The following MARCHF4 variants were observed in gnomAD, a reference collection of about 807,000 sequenced individuals.
The protein encoded by MARCHF4 is E3 ubiquitin-protein ligase MARCHF4.
Under a neutral mutation model 43.9 loss-of-function variants are expected in MARCHF4, and 14 were observed. The observed-to-expected ratio is 0.32, with a 90% confidence interval of 0.21 to 0.50. The LOEUF (loss-of-function observed/expected upper bound fraction) is 0.50. MARCHF4 is among the 20% of genes least tolerant of loss of function. The probability of loss-of-function intolerance (pLI) is 0.98; values close to 1 mark genes in which losing one functional copy is unlikely to be tolerated. For missense variants in MARCHF4, 468 were observed against 536.7 expected, an observed-to-expected ratio of 0.87 and a Z score of 1.27; for synonymous variants, 226 against 213.3, an observed-to-expected ratio of 1.06 and a Z score of -0.52.
chr2:216,323,311 A>G (rs1289018124), intron 1 of MARCHF4, among the ~76,000 whole-genome samples: 1 of 152,198 alleles, frequency 6.6e-6, no homozygotes, highest in African/African-American at 2.4e-5. Flanking sequence ...AGAGGTTTGT[A>G]TGTAATTTTA....
chr2:216,277,412 T>G (rs1691043076), intron 3 of MARCHF4, among the ~76,000 whole-genome samples: 1 of 152,194 alleles, frequency 6.6e-6, no homozygotes, highest in African/African-American at 2.4e-5. Flanking sequence ...CAAATCCTCC[T>G]AGAGGCAGGC....
chr2:216,266,769 A>T (rs1352482093), intron 3 of MARCHF4, among the ~76,000 whole-genome samples: 1 of 152,208 alleles, frequency 6.6e-6, no homozygotes, highest in Non-Finnish European at 1.5e-5. Context: ...GGTTGAAAGA[A>T]ATGAATATAA....
chr2:216,365,624 T>C (rs1692654402), intron 1 of MARCHF4, among the ~76,000 whole-genome samples: 1 of 152,234 alleles, frequency 6.6e-6, no homozygotes, highest in Non-Finnish European at 1.5e-5. Context: ...TTCTTCTCAC[T>C]TGGTCTTCAG....
At chr2:216,354,923 CTT>C in intron 1 of MARCHF4, among the ~76,000 whole-genome samples, 1 of 121,840 alleles carries the variant, frequency 8.2e-6, no homozygotes, top group East Asian at 2.4e-4. Context: ...TTCTTTCTTT[CTT>C]TCTTTCTTTC....
intron 1 of MARCHF4, among the ~76,000 whole-genome samples, chr2:216,310,516 C>G (rs1299569240): frequency 6.6e-6 from 1 of 152,144 alleles, no homozygotes; most frequent in Non-Finnish European, 1.5e-5. Context: ...CCTGCCTCAG[C>G]CTCTGAAAGT....
Position 216,370,106 on chromosome 2 carries a change from A to G in MARCHF4, c.155T>C (p.Phe52Ser), listed in dbSNP as rs1204532068. ...CGCTTGAGGAGGGCGCCGCAGTAAGAAAACCTTCAGGTCATTGAAGAGCAT... is the reference window on the plus strand; with the variant it reads ...CGCTTGAGGAGGGCGCCGCAGTAAGGAAACCTTCAGGTCATTGAAGAGCAT... Reference protein sequence around the residue: ...CRMLFNDLKVFLLRRPPQAPL... With the variant: ...CRMLFNDLKVSLLRRPPQAPL... Residue 52 changes from phenylalanine to serine, a missense_variant, in exon 1 of 4, where the codon TTC becomes TCC. By Grantham distance (155) the Phe-to-Ser change is radical (BLOSUM62 -2). Around this residue, in one of 3 missense-constraint regions of MARCHF4, gnomAD observed 190 missense variants for 158.5 expected, o/e 1.20. Coordinates refer to ENST00000273067, the MANE Select transcript of MARCHF4 (RefSeq NM_020814.3). The G allele has an allele frequency of 6.3e-7, 1 of 1,597,308 alleles. No individual in the cohort carries two copies. Among genetic ancestry groups the G allele is most frequent in the Non-Finnish European group, 8.5e-7 (1 of 1,172,340 alleles).
intron 1 of MARCHF4, among the ~76,000 whole-genome samples, chr2:216,304,382 C>T (rs993642288): frequency 6.6e-6 from 1 of 151,898 alleles, no homozygotes; most frequent in Non-Finnish European, 1.5e-5. Context: ...ATATGAATAC[C>T]CAGGGATAAA....
intron 1 of MARCHF4, among the ~76,000 whole-genome samples, chr2:216,335,878 G>C (rs1194274149): frequency 6.6e-6 from 1 of 151,992 alleles, no homozygotes; most frequent in African/African-American, 2.4e-5. Context: ...GACCAGCCTG[G>C]CCAACATGTT....
At chr2:216,359,384 TA>T (rs1692545059) in intron 1 of MARCHF4, among the ~76,000 whole-genome samples, 1 of 152,230 alleles carries the variant, frequency 6.6e-6, no homozygotes, top group Non-Finnish European at 1.5e-5. Context: ...TGTTTCCCCC[TA>T]TTAGCCACTT....
intron 1 of MARCHF4, among the ~76,000 whole-genome samples, chr2:216,303,133 T>G (rs185279230): frequency 6.6e-6 from 1 of 152,154 alleles, no homozygotes; most frequent in African/African-American, 2.4e-5. Flanking sequence ...ATGTGAACAA[T>G]GCACAGTGTT....
intron 1 of MARCHF4, among the ~76,000 whole-genome samples, chr2:216,318,711 G>GAAATCAGAGAAA (rs1274838522): frequency 6.6e-6 from 1 of 152,118 alleles, no homozygotes; most frequent in Admixed American, 6.5e-5. Context: ...TCAGAGAGGT[G>GAAATCAGAGAAA]CCAGGGGCTC....
At chr2:216,354,651 A>G (rs578156552) in intron 1 of MARCHF4, among the ~76,000 whole-genome samples, 2 of 152,212 alleles carry the variant, frequency 1.3e-5, no homozygotes, top group Non-Finnish European at 2.9e-5. Flanking sequence ...GACCAGGGGA[A>G]CCAGAAAGGA....
At chr2:216,304,547 T>C (rs1199663763) in intron 1 of MARCHF4, among the ~76,000 whole-genome samples, 2 of 152,236 alleles carry the variant, frequency 1.3e-5, no homozygotes, top group African/African-American at 2.4e-5. Context: ...CTTCTTGTCC[T>C]AATTCTCCTT....
intron 3 of MARCHF4, among the ~76,000 whole-genome samples, chr2:216,267,916 A>T (rs1273999720): frequency 6.6e-6 from 1 of 152,216 alleles, no homozygotes; most frequent in African/African-American, 2.4e-5. Context: ...TAAATCAGTC[A>T]TCTTCATCTC....
chr2:216,312,868 A>T (rs1427146004), intron 1 of MARCHF4, among the ~76,000 whole-genome samples: 1 of 151,710 alleles, frequency 6.6e-6, no homozygotes, highest in Non-Finnish European at 1.5e-5. Context: ...TTTGCTGTGC[A>T]GAAGCTTTTT....
intron 1 of MARCHF4, among the ~76,000 whole-genome samples, chr2:216,297,491 T>C (rs1376137031): frequency 1.3e-5 from 2 of 152,150 alleles, no homozygotes; most frequent in Non-Finnish European, 1.5e-5. Flanking sequence ...AGAGAGGCCA[T>C]AGCCCATGGT....
chr2:216,344,371 CGCCGGCT>C (rs1692281750), intron 1 of MARCHF4, among the ~76,000 whole-genome samples: 2 of 152,184 alleles, frequency 1.3e-5, no homozygotes, highest in Non-Finnish European at 2.9e-5. Context: ...AGAAGGAGAA[CGCCGGCT>C]GCCTCTCGTA....
At chr2:216,316,886 C>T (rs1038478356) in intron 1 of MARCHF4, among the ~76,000 whole-genome samples, 3 of 152,146 alleles carry the variant, frequency 2.0e-5, no homozygotes, top group Admixed American at 6.5e-5. Context: ...TCACTGGGCA[C>T]ATCAGAGGAC....
chr2:216,354,968 TTTCTTTCTTTC>T lies in MARCHF4; in HGVS notation c.516+14766_516+14776del, dbSNP rs1457287887. Among the ~76,000 whole-genome samples, 3 of 142,340 alleles carry T rather than the reference TTTCTTTCTTTC, an allele frequency of 2.1e-5. No individual in the cohort carries two copies. The East Asian group carries it at 6.6e-4, about 31-fold the overall frequency. 93.4% of individuals were successfully genotyped at this position (142,340 alleles called of 152,430 possible). Reference sequence around the variant, plus strand: ...CTTTCTTTCTTTCTTTCTTTCTTTCTTTCTTTCTTTCTTTCTTTTTTGAGACAGAGTCTAAC... The same window carrying T: ...CTTTCTTTCTTTCTTTCTTTCTTTCTTTTCTTTTTTGAGACAGAGTCTAAC... On this transcript the variant is annotated intron_variant, in intron 1 of 3. Coordinates refer to ENST00000273067, the MANE Select transcript of MARCHF4 (RefSeq NM_020814.3).
Sources: gnomAD v4.1 joint callset for allele counts (sites outside exome capture counted in the v4.1 genomes callset) on GRCh38, gnomAD v4.1.1 for gene constraint, gnomAD v4.1.1 regional missense constraint, MANE v1.5 for transcripts, NCBI Gene and HGNC (gene_info 2026-07-23, HGNC 2026-07-21) for gene names.